Variants in SLC5A11 observed in about 807,000 individuals in gnomAD.
The protein encoded by SLC5A11 is solute carrier family 5 member 11, also known as sodium/myo-inositol cotransporter 2.
In SLC5A11, 48 loss-of-function variants were observed where a neutral mutation model predicts 69.8. The ratio of observed to expected loss-of-function variants is 0.69; its 90% CI spans 0.55 to 0.87. The LOEUF is 0.87. Among genes scored for constraint, SLC5A11 ranks in the 40% least tolerant of loss-of-function variants. The probability of loss-of-function intolerance (pLI) is 0.00; values close to 1 mark genes in which losing one functional copy is unlikely to be tolerated. For missense variants in SLC5A11, 784 were observed against 866.1 expected (o/e 0.91, Z 1.19); for synonymous variants, 319 against 342.4 (o/e 0.93, Z 0.75).
intron 4 of SLC5A11, among the ~76,000 whole-genome samples, 175 bp from the exon 6 acceptor site, chr16:24,871,985 A>C (rs2547037): frequency 0.69 from 105,474 of 151,916 alleles, 36,719 homozygotes; most frequent in Admixed American, 0.76. Flanking sequence ...TCCCGAATCC[A>C]TTCCCCATGT....
intron 10 of SLC5A11, among the ~76,000 whole-genome samples, chr16:24,899,234 T>G (rs1375262287): frequency 6.6e-6 from 1 of 152,180 alleles, no homozygotes; most frequent in African/African-American, 2.4e-5. Context: ...CAGGCCAAAT[T>G]GAGTGGAGAC....
intron 10 of SLC5A11, among the ~76,000 whole-genome samples, chr16:24,898,523 T>TG (rs60711266): frequency 6.7e-6 from 1 of 150,236 alleles, no homozygotes; most frequent in African/African-American, 2.4e-5. Context: ...TTTTTTTTTT[T>TG]GCATTTTTTT....
rs4265808 is a variant in SLC5A11, at chr16:24,909,779, T to C, written c.1651-527T>C. ...AGGAGTTTAAGGCTGCAGTGAGCTATGACCATGCCACTGCACTCCCACCTG... is the reference window on the plus strand; with the variant it reads ...AGGAGTTTAAGGCTGCAGTGAGCTACGACCATGCCACTGCACTCCCACCTG... On this transcript the variant is annotated intron_variant, in intron 14 of 15. Coordinates refer to ENST00000347898, the Ensembl canonical transcript of SLC5A11. Among the ~76,000 whole-genome samples the C allele has an allele frequency of 3.0e-3, 428 of 142,788 alleles. 11 individuals carry two copies. Among genetic ancestry groups the C allele is most frequent in the South Asian group, 0.03 (136 of 4,578 alleles). 93.7% of individuals were successfully genotyped at this position (142,788 alleles called of 152,430 possible). A position where few individuals can be genotyped will look rare whatever the true frequency, so the allele number is the denominator to read the frequency against.
chr16:24,859,095 A>C (rs756932774), intron 2 of SLC5A11: 1 of 196,444 alleles, frequency 5.1e-6, no homozygotes, highest in Non-Finnish European at 1.0e-5. Flanking sequence ...TCATCCTGTA[A>C]GTTAGGAGAG....
At chr16:24,884,520 T>G (rs1201263052) in intron 8 of SLC5A11, among the ~76,000 whole-genome samples, 7 of 147,860 alleles carry the variant, frequency 4.7e-5, no homozygotes, top group South Asian at 2.2e-4. Context: ...TTTGTTTTTT[T>G]TTTTTTTTTT....
At chr16:24,849,622 A>ATATATATC (rs1459859144) in intron 1 of SLC5A11, among the ~76,000 whole-genome samples, 1 of 128,238 alleles carries the variant, frequency 7.8e-6, no homozygotes, top group African/African-American at 3.0e-5. Context: ...ATATATATAT[A>ATATATATC]TCCATGAGAG....
chr16:24,907,846 A>T, intron 12 of SLC5A11, 117 bp from the exon 14 acceptor site: 1 of 1,369,320 alleles, frequency 7.3e-7, no homozygotes, highest in Non-Finnish European at 1.0e-6. Flanking sequence ...TGCTCTCACC[A>T]CTGCACCCCG....
chr16:24,870,316 C>G (rs988648262), intron 4 of SLC5A11, among the ~76,000 whole-genome samples: 15 of 151,954 alleles, frequency 9.9e-5, no homozygotes, highest in Non-Finnish European at 2.2e-4. Flanking sequence ...TCATCTGAAC[C>G]CGGGAGGCGG....
At chr16:24,863,779 C>T (rs770455915) in intron 3 of SLC5A11, among the ~76,000 whole-genome samples, 4 of 152,188 alleles carry the variant, frequency 2.6e-5, no homozygotes, top group Non-Finnish European at 5.9e-5. Flanking sequence ...AGCTTTGGCC[C>T]TGTTTCCATC....
chr16:24,900,744 C>G (rs574761412), intron 10 of SLC5A11, among the ~76,000 whole-genome samples: 1 of 151,888 alleles, frequency 6.6e-6, no homozygotes, highest in Non-Finnish European at 1.5e-5. Context: ...CAGACCCGCT[C>G]TCTACCAAAA....
chr16:24,877,413 G>A (rs1306317600), intron 7 of SLC5A11, 50 bp downstream of exon 8: 2 of 1,395,800 alleles, frequency 1.4e-6, no homozygotes, highest in South Asian at 1.2e-5. Context: ...GGCAGGGGCT[G>A]TGGGCCACTC....
chr16:24,902,203 G>A (rs1035835721), intron 10 of SLC5A11, among the ~76,000 whole-genome samples: 7 of 152,234 alleles, frequency 4.6e-5, no homozygotes, highest in South Asian at 2.1e-4. Context: ...TCAGATCAGA[G>A]CTACTTCTGA....
At chr16:24,856,704 G>T (rs1400473497) in intron 1 of SLC5A11, among the ~76,000 whole-genome samples, 1 of 150,724 alleles carries the variant, frequency 6.6e-6, no homozygotes, top group Non-Finnish European at 1.5e-5. Flanking sequence ...CGGGGAGGCA[G>T]AGCTTGTAGT....
At chr16:24,893,823 C>G (rs545722479) in intron 9 of SLC5A11, among the ~76,000 whole-genome samples, 1 of 152,158 alleles carries the variant, frequency 6.6e-6, no homozygotes, top group Admixed American at 6.5e-5. Flanking sequence ...CCACCCACCT[C>G]GGCCTCCCAA....
chr16:24,901,938 ACACACACACACACACACACG>A (rs1272791829), intron 10 of SLC5A11, among the ~76,000 whole-genome samples: 2 of 113,420 alleles, frequency 1.8e-5, no homozygotes, highest in Admixed American at 1.8e-4. Context: ...AAATACACAC[ACACACACACACACACACACG>A]CACACACACA....
At chr16:24,888,637 C>T (rs1262235074) in intron 8 of SLC5A11, among the ~76,000 whole-genome samples, 1 of 151,270 alleles carries the variant, frequency 6.6e-6, no homozygotes, top group Non-Finnish European at 1.5e-5. Flanking sequence ...GCTCGCGCCA[C>T]CACATCCAGC....
chr16:24,852,199 T>A (rs2059343824), intron 1 of SLC5A11, among the ~76,000 whole-genome samples: 1 of 152,122 alleles, frequency 6.6e-6, no homozygotes, highest in South Asian at 2.1e-4. Context: ...TTATAAAGAA[T>A]CACGCACATC....
chr16:24,862,540 T>G, intron 2 of SLC5A11, 61 bp from the exon 4 acceptor site: 1 of 1,481,024 alleles, frequency 6.8e-7, no homozygotes, highest in African/African-American at 1.4e-5. Flanking sequence ...GCCTAGGCCA[T>G]TTTGAGATGC....
chr16:24,889,210 C>T (rs1014809892), intron 8 of SLC5A11, among the ~76,000 whole-genome samples: 7 of 152,094 alleles, frequency 4.6e-5, no homozygotes, highest in Non-Finnish European at 7.4e-5. Context: ...AAGCCATATG[C>T]GGTGGCTCAT....
Sources: allele counts gnomAD v4.1 joint callset (sites outside exome capture counted in the v4.1 genomes callset), GRCh38; gene constraint gnomAD v4.1.1; transcripts MANE v1.5; gene names NCBI Gene and HGNC (gene_info 2026-07-23, HGNC 2026-07-21).